TCF23: variants seen among roughly 807,000 people sequenced by gnomAD.
TCF23 encodes the protein transcription factor 23, also known as class A basic helix-loop-helix protein 24.
Under a neutral mutation model 13.0 loss-of-function variants are expected in TCF23, and 7 were observed. That is an observed-to-expected ratio of 0.54 (90% confidence interval 0.31 to 1.01). The LOEUF (loss-of-function observed/expected upper bound fraction) is 1.01. TCF23 is among the 50% of genes least tolerant of loss of function. TCF23 has a pLI of 0.06. For missense variants in TCF23, 257 were observed against 289.8 expected (o/e 0.89, Z 0.82); for synonymous variants, 122 against 119.5 (o/e 1.02, Z -0.14).
rs1279611221 is a variant in TCF23 at position 27,150,827 on chromosome 2, C to G, written c.465+462C>G. Among the ~76,000 whole-genome samples, 3 of 152,144 alleles carry G rather than the reference C, an allele frequency of 2.0e-5. No individual in the cohort carries two copies. Among genetic ancestry groups the G allele is most frequent in the African/African-American group, 7.2e-5 (3 of 41,432 alleles). ...TGAGGGACCGTCATTCTAGAAGCAA[C>G]CAAGCTGGGGGAGTTAGCAGGCAGC... On this transcript the variant is annotated intron_variant, in intron 2 of 2. Transcript: ENST00000296096. This position sits in a 1 kb window ranked among gnomAD's most constrained non-coding sequence, Gnocchi z 4.1.
rs889862268 is a variant in TCF23, at chr2:27,150,547, T to C, written c.465+182T>C. The stretch of plus-strand genomic sequence containing the variant: ...CCAAGGCTGACCCTTGGGGCTGCGC[T>C]GACCCTGGGTTTCTCATGGGAGTGT... On this transcript the variant is annotated intron_variant, in intron 2 of 2. Transcript: ENST00000296096. The surrounding 1 kb of genome is among the most constrained non-coding windows in gnomAD (Gnocchi z 4.1). Among the ~76,000 whole-genome samples, 1 of 152,188 alleles carries C rather than the reference T, an allele frequency of 6.6e-6. No homozygotes were observed. The highest frequency in any genetic ancestry group is 1.5e-5 in the Non-Finnish European group (1 of 68,032).
At position 27,150,490 on chromosome 2, in the gene TCF23, C is replaced by G. The variant is rs555951401; in HGVS notation, c.465+125C>G. 1 of 1,475,728 alleles carries G rather than the reference C, an allele frequency of 6.8e-7. No individual in the cohort carries two copies. Among genetic ancestry groups the G allele is most frequent in the Non-Finnish European group, 9.2e-7 (1 of 1,092,458 alleles). The allele number at this position is 1,475,728 out of a possible 1,614,324, so 91.4% of individuals were successfully genotyped here. A position where few individuals can be genotyped will look rare whatever the true frequency, so the allele number is the denominator to read the frequency against. On this transcript the variant is annotated intron_variant, in intron 2 of 2. Coordinates refer to ENST00000296096, the MANE Select transcript of TCF23 (RefSeq NM_175769.3). The surrounding 1 kb of genome is among the most constrained non-coding windows in gnomAD (Gnocchi z 4.1). ...CCCTGTGCAGAACTGACGTCGGAGC[C>G]AATTTCTCCTGCTGTCTCAGAGGGA...
Position 27,149,388 on chromosome 2 carries a change from G to A in TCF23, c.222+33G>A, listed in dbSNP as rs761248806. On this transcript the variant is annotated intron_variant, in intron 1 of 2. Coordinates refer to ENST00000296096, the MANE Select transcript of TCF23 (RefSeq NM_175769.3). ...AATCCTGCACCTGCAGAGGGGTCCA[G>A]GGGAGGAAGGGGTTGGAAGGTGGGG... is the stretch of plus-strand genomic sequence containing the variant. 8.0e-5 allele frequency: 123 copies of A among 1,546,442 alleles called. 2 individuals carry two copies. The South Asian group carries it at 1.3e-3, about 17-fold the overall frequency.
intron 1 of TCF23, 138 bp downstream of exon 1, chr2:27,149,493 C>T: frequency 1.2e-6 from 1 of 828,094 alleles, no homozygotes; most frequent in Non-Finnish European, 1.9e-6. Flanking sequence ...CCTTAGACTC[C>T]AAGGCATCAT....
chr2:27,152,623 A>T, intron 2 of TCF23, 65 bp from the exon 3 acceptor site: 1 of 1,565,178 alleles, frequency 6.4e-7, no homozygotes. Context: ...TTTGGGTGTC[A>T]AGGATCCTGG....
Position 27,152,691 on chromosome 2 carries a change from T to C in TCF23, c.469T>C (p.Trp157Arg). ...GLRYLHPLKK[W>R]PMRSRLYAGG... ...CTTCCCAATCTGTGTCTTGCAGAAG[T>C]GGCCGATGCGATCTCGTCTCTATGC... Residue 157 changes from tryptophan (W) to arginine (R), a missense_variant, in exon 3 of 3, where the codon TGG (tryptophan) becomes CGG (arginine). Transcript: ENST00000296096. The C allele has an allele frequency of 6.2e-7, 1 of 1,612,928 alleles. No individual in the cohort carries two copies. The highest frequency in any genetic ancestry group is 8.5e-7 in the Non-Finnish European group (1 of 1,179,318).
intron 1 of TCF23, 144 bp downstream of exon 1, chr2:27,149,499 A>G: frequency 1.2e-6 from 1 of 808,588 alleles, no homozygotes; most frequent in Non-Finnish European, 2.0e-6. Context: ...ACTCCAAGGC[A>G]TCATGCTTTG....
Position 27,150,296 on chromosome 2 carries a change from C to A in TCF23, c.396C>A (p.Leu132=), listed in dbSNP as rs373573959. The change falls in exon 2 of 3, where the codon CTC becomes CTA. Residue 132 remains leucine (L), a synonymous_variant. Transcript: ENST00000296096. This position sits in a 1 kb window ranked among gnomAD's most constrained non-coding sequence, Gnocchi z 4.1. ...ASYIAHLTRT[L]GHELPGPAWP... is the part of the protein sequence containing the mutation. ...ACATAGCCCACCTCACCCGCACACT[C>A]GGCCACGAGTTGCCTGGCCCTGCCT... 6 of 1,613,782 alleles carry A rather than the reference C, an allele frequency of 3.7e-6. No homozygotes were observed. The African/African-American group carries it at 8.0e-5, about 22-fold the overall frequency.
chr2:27,149,561 C>A, intron 1 of TCF23: 1 of 646,274 alleles, frequency 1.5e-6, no homozygotes, highest in Non-Finnish European at 2.8e-6. Context: ...GCTCAGAGAG[C>A]TGCACTAACT....
rs148680464 is a variant in TCF23, at chr2:27,151,697, G to A, written c.466-991G>A. 4.5e-3 allele frequency among the ~76,000 whole-genome samples: 683 copies of A among 152,048 alleles called. 6 individuals carry two copies. The highest frequency in any genetic ancestry group is 0.016 in the African/African-American group (663 of 41,472). On this transcript the variant is annotated intron_variant, in intron 2 of 2. Transcript: ENST00000296096. ...GTCGCCCATGCTGGAGTGCAGTAGC[G>A]CAATCATAGCTTACTGTACCCTCAA... is the stretch of plus-strand genomic sequence containing the variant.
At chr2:27,149,859 G>C (rs1178480444) in intron 1 of TCF23, 1 of 680,920 alleles carries the variant, frequency 1.5e-6, no homozygotes, top group African/African-American at 1.8e-5. Context: ...GGCATGAGTG[G>C]AGTAGTAGAG....
intron 2 of TCF23, among the ~76,000 whole-genome samples, chr2:27,151,414 A>G (rs1451097906): frequency 6.6e-6 from 1 of 151,978 alleles, no homozygotes; most frequent in Non-Finnish European, 1.5e-5. Context: ...GGCTCACTGC[A>G]ACCTCCACCT....
At chr2:27,151,395 C>A (rs113053199) in intron 2 of TCF23, among the ~76,000 whole-genome samples, 1 of 151,812 alleles carries the variant, frequency 6.6e-6, no homozygotes, top group African/African-American at 2.4e-5. Context: ...AGTGCAGTGG[C>A]GCAATCTTGG....
chr2:27,150,358 C>G lies in TCF23; in HGVS notation c.458C>G (p.Pro153Arg). The G allele has an allele frequency of 6.2e-7, 1 of 1,612,486 alleles. No individual in the cohort carries two copies. The highest frequency in any genetic ancestry group is 1.1e-5 in the South Asian group (1 of 91,044). ...PFLRGLRYLH[P>R]LKKWPMRSRL... ...CTGCGTGGACTCCGCTACTTGCACC[C>G]TCTCAAGGTAAGTCACAAGCCCTGG... The change falls in exon 2 of 3, where the codon CCT becomes CGT. Residue 153 changes from proline (P) to arginine (R), a missense_variant. Physicochemically the swap from Pro to Arg is moderately radical, Grantham distance 103. Coordinates refer to ENST00000296096, the MANE Select transcript of TCF23 (RefSeq NM_175769.3). This position sits in a 1 kb window ranked among gnomAD's most constrained non-coding sequence, Gnocchi z 4.1.
Position 27,156,394 on chromosome 2 carries a change from T to C in TCF23, c.*3527T>C, listed in dbSNP as rs72810784. 0.42 allele frequency: 62,817 copies of C among 149,784 alleles called. 14,627 individuals are homozygous for C. The highest frequency in any genetic ancestry group is 0.58 in the East Asian group (2,897 of 4,996). 9.3% of individuals were successfully genotyped at this position (149,784 alleles called of 1,614,324 possible). ...CCAGTGATTTCTTTTTTTTTGTTTT[T>C]TGAGACAGAGTCTCACTCTGTCACC... On this transcript the variant is annotated 3_prime_UTR_variant, in exon 3 of 3. Coordinates refer to ENST00000296096, the MANE Select transcript of TCF23 (RefSeq NM_175769.3).
chr2:27,152,172 A>C (rs949873063), intron 2 of TCF23, among the ~76,000 whole-genome samples: 1 of 152,250 alleles, frequency 6.6e-6, no homozygotes, highest in Non-Finnish European at 1.5e-5. Flanking sequence ...GGTTAGGTCC[A>C]GCACTCCAGC....
Position 27,156,673 on chromosome 2 carries a change from A to T in TCF23, c.*3806A>T, listed in dbSNP as rs920918808. On this transcript the variant is annotated 3_prime_UTR_variant, in exon 3 of 3. Coordinates refer to ENST00000296096, the MANE Select transcript of TCF23 (RefSeq NM_175769.3). Reference sequence around the variant, plus strand: ...AGTGCTGGGATTACAGGCATGAGCCACCGCACCCGGCTGGCCCAGTGATTT... The same window carrying T: ...AGTGCTGGGATTACAGGCATGAGCCTCCGCACCCGGCTGGCCCAGTGATTT... 2.0e-5 allele frequency: 3 copies of T among 151,300 alleles called. No individual in the cohort carries two copies. In the South Asian group the frequency reaches 6.3e-4, roughly 32 times the overall value. 9.4% of individuals were successfully genotyped at this position (151,300 alleles called of 1,614,324 possible). A position where few individuals can be genotyped will look rare whatever the true frequency, so the allele number is the denominator to read the frequency against.
rs1454039167 is a variant in TCF23 at position 27,152,838 on chromosome 2, C to T, written c.616C>T (p.Pro206Ser). 1 of 1,614,016 alleles carries T rather than the reference C, an allele frequency of 6.2e-7. No homozygotes were observed. Among genetic ancestry groups the T allele is most frequent in the South Asian group, 1.1e-5 (1 of 91,062 alleles). ...GGCAGATGCTCTCCTTTCCACCACA[C>T]CACTCTCACCAGCTCTTGGTGACAA... ...GEADALLSTTPLSPALGDK is the reference protein window; with the variant it reads ...GEADALLSTTSLSPALGDK The change falls in exon 3 of 3, where the codon CCA (proline) becomes TCA (serine). Residue 206 changes from proline to serine, a missense_variant. Coordinates refer to ENST00000296096, the MANE Select transcript of TCF23 (RefSeq NM_175769.3).
Position 27,150,508 on chromosome 2 carries a change from CAGAGGG to C in TCF23, c.465+149_465+154del. ...TCGGAGCCAATTTCTCCTGCTGTCT[CAGAGGG>C]AGAGGAGCCAAGGCTGACCCTTGGG... On this transcript the variant is annotated intron_variant, in intron 2 of 2. Coordinates refer to ENST00000296096, the MANE Select transcript of TCF23 (RefSeq NM_175769.3). This position sits in a 1 kb window ranked among gnomAD's most constrained non-coding sequence, Gnocchi z 4.1. 7.0e-7 allele frequency: 1 copy of C among 1,432,278 alleles called. No individual in the cohort carries two copies. 88.7% of individuals were successfully genotyped at this position (1,432,278 alleles called of 1,614,324 possible). A position where few individuals can be genotyped will look rare whatever the true frequency, so the allele number is the denominator to read the frequency against.
Sources: gnomAD v4.1 joint callset for allele counts (sites outside exome capture counted in the v4.1 genomes callset) on GRCh38, gnomAD v4.1.1 for gene constraint, Gnocchi (gnomAD v3.1) non-coding constraint, MANE v1.5 for transcripts, NCBI Gene and HGNC (gene_info 2026-07-23, HGNC 2026-07-21) for gene names.